Variants in PXT1 observed in about 807,000 individuals in gnomAD.
PXT1 encodes peroxisomal testis enriched protein 1.
PXT1 carries 11 observed loss-of-function variants against 11.0 expected under a neutral mutation model. That is an observed-to-expected ratio of 1.00 (90% CI 0.63 to 1.66). The LOEUF is 1.66. PXT1 is among the 40% of genes most tolerant of loss of function. PXT1 has a pLI of 0.00. For synonymous variants in PXT1, 43 were observed against 51.4 expected (o/e 0.84, Z 0.70); for missense variants, 141 against 155.5 (o/e 0.91, Z 0.49).
chr6:36,421,311 A>G (rs1250301004), intron 3 of PXT1, among the ~76,000 whole-genome samples: 1 of 152,092 alleles, frequency 6.6e-6, no homozygotes, highest in East Asian at 1.9e-4. Context: ...AAAACAAAAA[A>G]TTAGCTGGGC....
chr6:36,405,190 A>G (rs1248822394), intron 3 of PXT1, among the ~76,000 whole-genome samples: 1 of 152,198 alleles, frequency 6.6e-6, no homozygotes, highest in African/African-American at 2.4e-5. Context: ...AAAAGTTAAC[A>G]AAGTAAAACA....
intron 4 of PXT1, among the ~76,000 whole-genome samples, chr6:36,395,412 C>T (rs1774129388): frequency 6.6e-6 from 1 of 151,554 alleles, no homozygotes; most frequent in African/African-American, 2.4e-5. Context: ...AGTTACCATG[C>T]CAGACTTGAA....
At chr6:36,433,586 G>A (rs1032604109) in intron 2 of PXT1, among the ~76,000 whole-genome samples, 1 of 151,978 alleles carries the variant, frequency 6.6e-6, no homozygotes, top group African/African-American at 2.4e-5. Context: ...TTGGGAGGCC[G>A]AGGCGGGTGG....
chr6:36,435,466 G>GT (rs1365917274), intron 2 of PXT1, among the ~76,000 whole-genome samples: 1 of 152,134 alleles, frequency 6.6e-6, no homozygotes, highest in African/African-American at 2.4e-5. Flanking sequence ...AGGAGGCTGA[G>GT]GCAGGAGGAT....
chr6:36,425,681 G>A (rs984034801), intron 3 of PXT1, among the ~76,000 whole-genome samples: 3 of 151,600 alleles, frequency 2.0e-5, no homozygotes, highest in Admixed American at 1.3e-4. Flanking sequence ...CCAGCTACTC[G>A]GGAGGCTGAG....
intron 2 of PXT1, among the ~76,000 whole-genome samples, chr6:36,428,097 A>G (rs1238980075): frequency 6.6e-6 from 1 of 152,162 alleles, no homozygotes; most frequent in Non-Finnish European, 1.5e-5. Context: ...CAGGTAAGAC[A>G]TGCTGTTCAG....
chr6:36,438,829 A>C lies in PXT1; in HGVS notation c.-72T>G, dbSNP rs1485494507. The C allele has an allele frequency of 1.3e-5, 2 of 152,328 alleles. No individual in the cohort carries two copies. Among genetic ancestry groups the C allele is most frequent in the East Asian group, 3.9e-4 (2 of 5,192 alleles). The allele number at this position is 152,328 out of a possible 1,614,324, so 9.4% of individuals were successfully genotyped here. A position where few individuals can be genotyped will look rare whatever the true frequency, so the allele number is the denominator to read the frequency against. ...TTTCATGCTTGAGTTAATAAATTGCAAAGTTTCCCTCTTTTGTTTGCTTTG... is the reference window on the plus strand; with the variant it reads ...TTTCATGCTTGAGTTAATAAATTGCCAAGTTTCCCTCTTTTGTTTGCTTTG... On this transcript the variant is annotated 5_prime_UTR_variant, in exon 2 of 5. Transcript: ENST00000454782.
intron 3 of PXT1, among the ~76,000 whole-genome samples, chr6:36,403,087 T>C (rs2127411196): frequency 6.6e-6 from 1 of 152,274 alleles, no homozygotes; most frequent in East Asian, 1.9e-4. Context: ...CTCAAACTCG[T>C]GACCTCAAGT....
intron 2 of PXT1, among the ~76,000 whole-genome samples, chr6:36,437,710 G>A (rs1774787056): frequency 6.6e-6 from 1 of 151,020 alleles, no homozygotes; most frequent in Non-Finnish European, 1.5e-5. Context: ...TAGAGACGGG[G>A]TTTCACCGTG....
chr6:36,426,835 T>C (rs1051238226), intron 2 of PXT1, among the ~76,000 whole-genome samples: 2 of 151,920 alleles, frequency 1.3e-5, no homozygotes, highest in African/African-American at 4.8e-5. Context: ...TTTCCTCATG[T>C]GTGTGTGTGT....
intron 3 of PXT1, among the ~76,000 whole-genome samples, chr6:36,420,659 T>G (rs1213050594): frequency 3.3e-5 from 5 of 152,156 alleles, no homozygotes; most frequent in Admixed American, 3.3e-4. Flanking sequence ...AGAAAATATA[T>G]TTTTTAAGCA....
At position 36,390,794 on chromosome 6, in the gene PXT1, A is replaced by C. The variant is rs933379890; in HGVS notation, c.*976T>G. 1 of 152,382 alleles carries C rather than the reference A, an allele frequency of 6.6e-6. No homozygotes were observed. The highest frequency in any genetic ancestry group is 3.4e-3 in the Middle Eastern group (1 of 294). The allele number at this position is 152,382 out of a possible 1,614,324, so 9.4% of individuals were successfully genotyped here. A position where few individuals can be genotyped will look rare whatever the true frequency, so the allele number is the denominator to read the frequency against. ...GTGCAGGAGAGAATGAGTGAAATAC[A>C]TTCCACAGGCAAAGGGCCCACCAAC... On this transcript the variant is annotated 3_prime_UTR_variant, in exon 5 of 5. Coordinates refer to ENST00000454782, the MANE Select transcript of PXT1 (RefSeq NM_152990.4).
chr6:36,392,431 G>C (rs146181743), intron 4 of PXT1, among the ~76,000 whole-genome samples: 1,565 of 152,294 alleles, frequency 0.01, 24 homozygotes, highest in African/African-American at 0.034. Flanking sequence ...CACTTTGGGA[G>C]GCCAAGGCAG....
chr6:36,439,179 G>A (rs1348616295), intron 1 of PXT1, among the ~76,000 whole-genome samples: 1 of 151,724 alleles, frequency 6.6e-6, no homozygotes. Flanking sequence ...TGTATTTTTA[G>A]TAGAGACGGG....
intron 2 of PXT1, among the ~76,000 whole-genome samples, chr6:36,438,007 A>G (rs1774792563): frequency 6.6e-6 from 1 of 151,238 alleles, no homozygotes; most frequent in South Asian, 2.1e-4. Context: ...TTTAGTAGAG[A>G]CGGGGTTTCA....
chr6:36,401,558 G>T (rs967264803), intron 3 of PXT1, among the ~76,000 whole-genome samples: 1 of 150,786 alleles, frequency 6.6e-6, no homozygotes, highest in Non-Finnish European at 1.5e-5. Flanking sequence ...GGAGGCTGGA[G>T]CGAGCTATGA....
At chr6:36,415,852 G>C (rs1774438401) in intron 3 of PXT1, among the ~76,000 whole-genome samples, 2 of 152,258 alleles carry the variant, frequency 1.3e-5, no homozygotes, top group South Asian at 4.1e-4. Context: ...CAGGAGGAGG[G>C]TTCCCCCTTC....
At chr6:36,434,388 T>A (rs766654273) in intron 2 of PXT1, among the ~76,000 whole-genome samples, 2 of 152,196 alleles carry the variant, frequency 1.3e-5, no homozygotes, top group Non-Finnish European at 2.9e-5. Flanking sequence ...TACCCTCAAC[T>A]TTTTATGTTT....
intron 1 of PXT1, among the ~76,000 whole-genome samples, chr6:36,440,257 A>T (rs536550661): frequency 6.6e-6 from 1 of 152,324 alleles, no homozygotes; most frequent in Non-Finnish European, 1.5e-5. Context: ...GCTATTATTT[A>T]AAAAATATTT....
Sources: gnomAD v4.1 joint callset for allele counts (sites outside exome capture counted in the v4.1 genomes callset) on GRCh38, gnomAD v4.1.1 for gene constraint, MANE v1.5 for transcripts, NCBI Gene and HGNC (gene_info 2026-07-23, HGNC 2026-07-21) for gene names.